The following SVOP variants were observed in gnomAD, a reference collection of about 807,000 sequenced individuals.
The protein encoded by SVOP is synaptic vesicle 2-related protein.
In SVOP, 17 loss-of-function variants were observed where a neutral mutation model predicts 69.1. The ratio of observed to expected loss-of-function variants is 0.25; its 90% CI spans 0.17 to 0.37. The LOEUF (loss-of-function observed/expected upper bound fraction) is 0.37. Ranked by LOEUF, SVOP falls within the 10% of genes least tolerant of loss-of-function variation. The probability of loss-of-function intolerance (pLI) is 1.00; values close to 1 mark genes in which losing one functional copy is unlikely to be tolerated. For synonymous variants in SVOP, 238 were observed against 238.6 expected, an observed-to-expected ratio of 1.00 and a Z score of 0.02; for missense variants, 435 against 597.5, an observed-to-expected ratio of 0.73 and a Z score of 2.84.
intron 7 of SVOP, among the ~76,000 whole-genome samples, chr12:108,943,094 A>G (rs1269945289): frequency 1.3e-5 from 2 of 151,856 alleles, no homozygotes; most frequent in Admixed American, 1.3e-4. Context: ...CAGTGATCCT[A>G]ATTTTAGAAG....
At chr12:108,928,430 A>G (rs898352379) in intron 11 of SVOP, among the ~76,000 whole-genome samples, 2 of 151,988 alleles carry the variant, frequency 1.3e-5, no homozygotes, top group Non-Finnish European at 2.9e-5. Context: ...GGACATGCCA[A>G]CCCTCAAATA....
At chr12:108,924,850 C>CTGA (rs1178112081) in intron 11 of SVOP, among the ~76,000 whole-genome samples, 2 of 152,182 alleles carry the variant, frequency 1.3e-5, no homozygotes, top group Admixed American at 1.3e-4. Flanking sequence ...ATGGAAAATG[C>CTGA]TGACCACCAT....
chr12:109,019,406 T>C (rs1593213075), intron 1 of SVOP, among the ~76,000 whole-genome samples: 1 of 152,174 alleles, frequency 6.6e-6, no homozygotes, highest in Admixed American at 6.5e-5. Context: ...AAAGTTCACA[T>C]CCTCTGACAT....
At chr12:109,006,448 A>G (rs921918674) in intron 1 of SVOP, among the ~76,000 whole-genome samples, 2 of 152,184 alleles carry the variant, frequency 1.3e-5, no homozygotes, top group Non-Finnish European at 2.9e-5. Context: ...ATACTCTGTC[A>G]TACTTACAGA....
intron 15 of SVOP, among the ~76,000 whole-genome samples, chr12:108,914,074 C>T (rs1298680403): frequency 6.6e-6 from 1 of 152,244 alleles, no homozygotes; most frequent in African/African-American, 2.4e-5. Context: ...GAGTGCCACA[C>T]AACGGCTAAA....
chr12:108,942,766 TTTG>T (rs904283843), intron 7 of SVOP, among the ~76,000 whole-genome samples: 8 of 152,264 alleles, frequency 5.3e-5, no homozygotes, highest in Admixed American at 1.3e-4. Context: ...TATTTATTTG[TTTG>T]TTGTTGTTGT....
At chr12:108,990,426 G>A (rs927891530) in intron 1 of SVOP, among the ~76,000 whole-genome samples, 6 of 150,134 alleles carry the variant, frequency 4.0e-5, no homozygotes, top group Non-Finnish European at 7.4e-5. Context: ...ACCAAACACC[G>A]CATGTTCTCA....
rs779378388 is a variant in SVOP at position 108,912,639 on chromosome 12, G to C, written c.1543C>G (p.Arg515Gly). ...SCFLPIETKG[R>G]GLQESSHREW... ...CGGTGGCTGGACTCCTGCAGTCCTC[G>C]GCCTTTGGTCTCAATGGGCAAAAAG... The change falls in exon 16 of 16, where the codon CGA (arginine) becomes GGA (glycine). Residue 515 changes from arginine (R) to glycine (G), a missense_variant. Arg to Gly is a moderately radical substitution (Grantham distance 125). Transcript: ENST00000610966. The C allele has an allele frequency of 1.4e-5, 23 of 1,613,792 alleles. No homozygotes were observed. The highest frequency in any genetic ancestry group is 1.9e-5 in the Non-Finnish European group (23 of 1,179,888).
chr12:108,968,119 C>T (rs2040055865), intron 5 of SVOP, among the ~76,000 whole-genome samples: 1 of 152,124 alleles, frequency 6.6e-6, no homozygotes, highest in South Asian at 2.1e-4. Context: ...GAGGATAAGG[C>T]AGTTGCTGCT....
At chr12:108,924,825 C>T (rs1027599414) in intron 11 of SVOP, among the ~76,000 whole-genome samples, 1 of 152,090 alleles carries the variant, frequency 6.6e-6, no homozygotes, top group African/African-American at 2.4e-5. Context: ...GTTTCAGAAA[C>T]CCAGAATCCA....
At chr12:108,995,011 G>T (rs776720829) in intron 1 of SVOP, among the ~76,000 whole-genome samples, 10 of 152,008 alleles carry the variant, frequency 6.6e-5, no homozygotes, top group African/African-American at 9.7e-5. Flanking sequence ...TGGGCATGGT[G>T]GTGCGTGTCT....
At position 108,943,551 on chromosome 12, in the gene SVOP, T is replaced by A. The variant is rs941423018; in HGVS notation, c.642+1552A>T. ...AGGCGGAGGATGCAGAGAGCCAAGA[T>A]CGCGCCACTGCACTCCAGCCTGGGC... On this transcript the variant is annotated intron_variant, in intron 7 of 15. Transcript: ENST00000610966. Among the ~76,000 whole-genome samples the A allele has an allele frequency of 2.0e-5, 3 of 148,506 alleles. No homozygotes were observed. The South Asian group carries it at 6.4e-4, about 32-fold the overall frequency.
At chr12:109,004,878 C>T (rs1208454176) in intron 1 of SVOP, among the ~76,000 whole-genome samples, 1 of 151,964 alleles carries the variant, frequency 6.6e-6, no homozygotes, top group Non-Finnish European at 1.5e-5. Context: ...GCTGGGATTA[C>T]AGGTATCCAC....
At chr12:108,926,169 C>T (rs747216026) in intron 11 of SVOP, among the ~76,000 whole-genome samples, 23 of 152,200 alleles carry the variant, frequency 1.5e-4, no homozygotes, top group Admixed American at 2.6e-4. Context: ...AATCCTCCCT[C>T]CTCGCCCTCC....
At chr12:108,971,805 C>T (rs896711471) in intron 5 of SVOP, among the ~76,000 whole-genome samples, 2 of 151,864 alleles carry the variant, frequency 1.3e-5, no homozygotes, top group African/African-American at 4.8e-5. Context: ...GTAATCCCAG[C>T]GCTGTGGGAA....
rs2039886300 is a variant in SVOP, at chr12:108,940,773, A to G, written c.768+11T>C. 6 of 1,536,964 alleles carry G rather than the reference A, an allele frequency of 3.9e-6. No individual in the cohort carries two copies. In the East Asian group the frequency reaches 1.2e-4, roughly 31 times the overall value. On this transcript the variant is annotated intron_variant, in intron 8 of 15. Coordinates refer to ENST00000610966, the MANE Select transcript of SVOP (RefSeq NM_018711.5). ...GACAGCAAAAGGTGAAATCTCTTAA[A>G]GGATACCTACGAAACACAGCACGGC...
intron 5 of SVOP, among the ~76,000 whole-genome samples, chr12:108,971,923 G>T (rs1010952648): frequency 6.6e-6 from 1 of 151,960 alleles, no homozygotes; most frequent in South Asian, 2.1e-4. Flanking sequence ...GTGTATTGGC[G>T]CATGCTTGTA....
chr12:108,954,083 C>T (rs2039972482), intron 6 of SVOP, among the ~76,000 whole-genome samples: 1 of 136,740 alleles, frequency 7.3e-6, no homozygotes, highest in Non-Finnish European at 1.5e-5. Context: ...CACTGCACTC[C>T]AGCCTGGGTG....
intron 11 of SVOP, among the ~76,000 whole-genome samples, chr12:108,925,284 C>T (rs1320088178): frequency 6.6e-6 from 1 of 152,158 alleles, no homozygotes; most frequent in African/African-American, 2.4e-5. Flanking sequence ...CTCCTTTCTC[C>T]TACTGCAAAC....
Sources: allele counts gnomAD v4.1 joint callset (sites outside exome capture counted in the v4.1 genomes callset), GRCh38; gene constraint gnomAD v4.1.1; transcripts MANE v1.5; gene names NCBI Gene and HGNC (gene_info 2026-07-23, HGNC 2026-07-21).